The following EPB41L3 variants were observed in gnomAD, a reference collection of about 807,000 sequenced individuals.
The protein encoded by EPB41L3 is band 4.1-like protein 3.
EPB41L3 carries 57 observed loss-of-function variants against 127.1 expected under a neutral mutation model. The ratio of observed to expected loss-of-function variants is 0.45; its 90% CI spans 0.36 to 0.56. EPB41L3 has a LOEUF of 0.56. Among genes scored for constraint, EPB41L3 ranks in the 20% least tolerant of loss-of-function variants. EPB41L3 has a pLI of 0.00. For missense variants in EPB41L3, 1,273 were observed against 1,372.2 expected, an observed-to-expected ratio of 0.93 and a Z score of 1.14; for synonymous variants, 572 against 549.5, an observed-to-expected ratio of 1.04 and a Z score of -0.57.
intron 2 of EPB41L3, among the ~76,000 whole-genome samples, chr18:5,481,733 A>G (rs2088572260): frequency 6.6e-6 from 1 of 152,222 alleles, no homozygotes; most frequent in Admixed American, 6.5e-5. Flanking sequence ...CACATTCCAC[A>G]GATCCCTTGG....
chr18:5,610,001 A>C (rs1599300109), intron 3 of EPB41L3: 1 of 630,152 alleles, frequency 1.6e-6, no homozygotes, highest in Non-Finnish European at 2.0e-6. Flanking sequence ...AGGAGGACTG[A>C]GTCTAACTGG....
chr18:5,589,796 G>C (rs1454267525), intron 3 of EPB41L3, among the ~76,000 whole-genome samples: 3 of 152,220 alleles, frequency 2.0e-5, no homozygotes, highest in Non-Finnish European at 2.9e-5. Flanking sequence ...TGGCAGGAGA[G>C]TGACTTTCTG....
chr18:5,570,704 T>C (rs1266559882), intron 3 of EPB41L3: 2 of 152,184 alleles, frequency 1.3e-5, no homozygotes, highest in Non-Finnish European at 2.9e-5. Flanking sequence ...CTGCACCCAT[T>C]AACTCATCAT....
intron 3 of EPB41L3, among the ~76,000 whole-genome samples, chr18:5,459,917 T>C (rs527261026): frequency 6.6e-6 from 1 of 152,324 alleles, no homozygotes; most frequent in South Asian, 2.1e-4. Flanking sequence ...TAAACTTTTA[T>C]TTTAGAGTTG....
intron 13 of EPB41L3, among the ~76,000 whole-genome samples, chr18:5,415,566 T>C (rs1330826959): frequency 6.6e-6 from 1 of 152,220 alleles, no homozygotes; most frequent in African/African-American, 2.4e-5. Context: ...TGGCTGAGTC[T>C]TTCATCCCAC....
chr18:5,515,352 G>A (rs2092707325), intron 1 of EPB41L3, among the ~76,000 whole-genome samples: 1 of 152,152 alleles, frequency 6.6e-6, no homozygotes, highest in Non-Finnish European at 1.5e-5. Flanking sequence ...TAGCAAATAT[G>A]AATTCTTCAA....
chr18:5,480,997 T>A (rs1034319114), intron 2 of EPB41L3: 21 of 152,012 alleles, frequency 1.4e-4, no homozygotes, highest in Admixed American at 1.0e-3. Context: ...AGCCAGACAC[T>A]ATCATCATCA....
chr18:5,620,201 A>C (rs1394584547), intron 1 of EPB41L3, among the ~76,000 whole-genome samples: 2 of 152,286 alleles, frequency 1.3e-5, no homozygotes, highest in East Asian at 3.9e-4. Context: ...AGCAGCTGTA[A>C]CTCTATCACA....
intron 5 of EPB41L3, among the ~76,000 whole-genome samples, chr18:5,440,903 G>T (rs1157972118): frequency 1.3e-5 from 2 of 152,050 alleles, no homozygotes. Flanking sequence ...TAGAAGCAGG[G>T]TCTCACTCTG....
chr18:5,564,392 A>G (rs191612606), intron 3 of EPB41L3, among the ~76,000 whole-genome samples: 158 of 152,308 alleles, frequency 1.0e-3, no homozygotes, highest in Non-Finnish European at 1.5e-3. Flanking sequence ...GGAGAAAGAT[A>G]GGATGCTAGC....
At chr18:5,609,206 A>G (rs2143991080) in intron 3 of EPB41L3, among the ~76,000 whole-genome samples, 1 of 152,308 alleles carries the variant, frequency 6.6e-6, no homozygotes, top group East Asian at 1.9e-4. Context: ...TAATTTTCCT[A>G]TGGAGGTATG....
intron 1 of EPB41L3, among the ~76,000 whole-genome samples, chr18:5,507,652 A>C (rs116971154): frequency 0.021 from 3,196 of 152,332 alleles, 64 homozygotes; most frequent in East Asian, 0.094. Flanking sequence ...CATTGGAGAC[A>C]TTCAATAAAT....
chr18:5,499,749 A>C (rs1383811840), intron 1 of EPB41L3, among the ~76,000 whole-genome samples: 1 of 151,828 alleles, frequency 6.6e-6, no homozygotes, highest in Non-Finnish European at 1.5e-5. Flanking sequence ...CCTGGGCGAC[A>C]GAGCAAGACT....
chr18:5,541,457 G>C (rs1170278085), intron 1 of EPB41L3, among the ~76,000 whole-genome samples: 1 of 151,870 alleles, frequency 6.6e-6, no homozygotes, highest in Non-Finnish European at 1.5e-5. Flanking sequence ...TACTTTTACA[G>C]CAAGTTCCTG....
intron 3 of EPB41L3, among the ~76,000 whole-genome samples, chr18:5,597,787 G>A (rs2094551082): frequency 6.6e-6 from 1 of 152,090 alleles, no homozygotes; most frequent in South Asian, 2.1e-4. Context: ...CTTCCACACA[G>A]TCTTACTCCT....
At chr18:5,468,930 AAAAC>A (rs139365871) in intron 3 of EPB41L3, among the ~76,000 whole-genome samples, 5,728 of 79,048 alleles carry the variant, frequency 0.072, 153 homozygotes, top group South Asian at 0.18. Context: ...CAAAAAACAA[AAAAC>A]AAACAAACAA....
intron 2 of EPB41L3, 199 bp downstream of exon 2, chr18:5,488,802 G>T (rs1183311656): frequency 9.5e-6 from 5 of 523,812 alleles, no homozygotes; most frequent in Non-Finnish European, 1.6e-5. Context: ...TTAATTAAAA[G>T]AAGGAGTTAC....
At chr18:5,629,415 CCACACACA>C (rs61034629), upstream of EPB41L3, among the ~76,000 whole-genome samples, 4,280 of 143,828 alleles carry the variant, frequency 0.03, 193 homozygotes, top group African/African-American at 0.1. Flanking sequence ...TCCTTACACA[CCACACACA>C]CACACACACA....
At chr18:5,442,399 A>G (rs1276447443) in intron 5 of EPB41L3, among the ~76,000 whole-genome samples, 1 of 152,204 alleles carries the variant, frequency 6.6e-6, no homozygotes, top group Non-Finnish European at 1.5e-5. Context: ...TTGTATAAAT[A>G]ATCACCCGAC....
Sources: allele counts gnomAD v4.1 joint callset (sites outside exome capture counted in the v4.1 genomes callset), GRCh38; gene constraint gnomAD v4.1.1; transcripts MANE v1.5; gene names NCBI Gene and HGNC (gene_info 2026-07-23, HGNC 2026-07-21).